The following CFAP54 variants were observed in gnomAD, a reference collection of about 807,000 sequenced individuals.
The protein encoded by CFAP54 is cilia- and flagella-associated protein 54.
In CFAP54, 290 loss-of-function variants were observed where a neutral mutation model predicts 370.4. That is an observed-to-expected ratio of 0.78 (90% CI 0.71 to 0.86). CFAP54 has a LOEUF of 0.86. Ranked by LOEUF, CFAP54 falls within the 40% of genes least tolerant of loss-of-function variation. The probability of loss-of-function intolerance (pLI) is 0.00; values close to 1 mark genes in which losing one functional copy is unlikely to be tolerated. For missense variants in CFAP54, 3,399 were observed against 3,528.7 expected, an observed-to-expected ratio of 0.96 and a Z score of 0.93; for synonymous variants, 1,206 against 1,236.5, an observed-to-expected ratio of 0.98 and a Z score of 0.52.
Position 96,817,816 on chromosome 12 carries a change from T to C in CFAP54, c.8999T>C (p.Ile3000Thr), listed in dbSNP as rs1460503583. Residue 3000 changes from isoleucine (I) to threonine (T), a missense_variant, in exon 65 of 68, where the codon ATA becomes ACA. Coordinates refer to ENST00000524981, the MANE Select transcript of CFAP54 (RefSeq NM_001306084.2). ...GAGAAATTATCTAATCTTGCTCAAA[T>C]AGCTGAACTATCATTGCCAGCAGCT... is the stretch of plus-strand genomic sequence containing the variant. ...IHEKLSNLAQ[I>T]AELSLPAAPE... is the part of the protein sequence containing the mutation. 8 of 1,510,310 alleles carry C rather than the reference T, an allele frequency of 5.3e-6. No homozygotes were observed. The highest frequency in any genetic ancestry group is 2.5e-5 in the East Asian group (1 of 40,470). The allele number at this position is 1,510,310 out of a possible 1,614,324, so 93.6% of individuals were successfully genotyped here.
chr12:96,614,169 T>C (rs1166686277), intron 26 of CFAP54, among the ~76,000 whole-genome samples: 1 of 152,176 alleles, frequency 6.6e-6, no homozygotes, highest in African/African-American at 2.4e-5. Context: ...TCCACCATGA[T>C]CAAGGGGGCT....
At chr12:96,768,816 T>G (rs753510367) in intron 60 of CFAP54, among the ~76,000 whole-genome samples, 2 of 151,904 alleles carry the variant, frequency 1.3e-5, no homozygotes, top group Non-Finnish European at 2.9e-5. Flanking sequence ...GGCATATGAG[T>G]TAATTAAGAG....
chr12:96,820,484 A>G (rs1375788167), intron 65 of CFAP54, among the ~76,000 whole-genome samples: 3 of 152,170 alleles, frequency 2.0e-5, no homozygotes, highest in Non-Finnish European at 4.4e-5. Context: ...ACCATAAGAG[A>G]ATCTACTGTG....
chr12:96,698,761 A>T (rs529223083), intron 45 of CFAP54, among the ~76,000 whole-genome samples: 20 of 152,326 alleles, frequency 1.3e-4, no homozygotes, highest in Middle Eastern at 6.8e-3. Flanking sequence ...TGTGACTGCA[A>T]GTTGTTCAGG....
At chr12:96,718,078 G>T (rs1016694135) in intron 48 of CFAP54, among the ~76,000 whole-genome samples, 1 of 152,160 alleles carries the variant, frequency 6.6e-6, no homozygotes, top group African/African-American at 2.4e-5. Context: ...ATAGAATTAG[G>T]GTGGGTGCAG....
At position 96,576,682 on chromosome 12, in the gene CFAP54, T is replaced by TC. The variant is rs1218034331; in HGVS notation, c.2723dup (p.Pro909SerfsTer24). ...AGTTCAAAAAGAAAGAAAAGCAGAG[T>TC]CCCCCCTCCACCTATCCTGCTGTCT... is the stretch of plus-strand genomic sequence containing the variant. On this transcript the variant is annotated frameshift_variant, in exon 20 of 68. Coordinates refer to ENST00000524981, the MANE Select transcript of CFAP54 (RefSeq NM_001306084.2). LOFTEE classifies it high-confidence loss of function. The TC allele has an allele frequency of 4.6e-6, 7 of 1,535,346 alleles. No homozygotes were observed. Among genetic ancestry groups the TC allele is most frequent in the Non-Finnish European group, 5.2e-6 (6 of 1,146,516 alleles).
At chr12:96,588,202 T>G (rs1223439925) in intron 22 of CFAP54, among the ~76,000 whole-genome samples, 1 of 152,166 alleles carries the variant, frequency 6.6e-6, no homozygotes. Context: ...TTTTTTCTTT[T>G]TTCAAACTCT....
intron 51 of CFAP54, among the ~76,000 whole-genome samples, chr12:96,740,648 A>G (rs1443786617): frequency 6.6e-6 from 1 of 152,268 alleles, no homozygotes; most frequent in Non-Finnish European, 1.5e-5. Context: ...AAAATCGCTA[A>G]TATCTAGCAT....
intron 26 of CFAP54, among the ~76,000 whole-genome samples, chr12:96,602,029 T>C (rs1045665355): frequency 6.6e-6 from 1 of 152,080 alleles, no homozygotes; most frequent in Non-Finnish European, 1.5e-5. Flanking sequence ...TGCTTCTCTA[T>C]TTCTTTTAAT....
chr12:96,561,770 G>GTTTTT (rs1955819340), intron 17 of CFAP54, among the ~76,000 whole-genome samples: 1 of 94,622 alleles, frequency 1.1e-5, no homozygotes, highest in African/African-American at 4.0e-5. Flanking sequence ...TAAATCACAA[G>GTTTTT]TTCTTTTTTT....
At chr12:96,514,114 A>G (rs1378259072) in intron 5 of CFAP54, among the ~76,000 whole-genome samples, 1 of 152,080 alleles carries the variant, frequency 6.6e-6, no homozygotes, top group Non-Finnish European at 1.5e-5. Context: ...GGGCGAATAT[A>G]CTCCCGTTGA....
At chr12:96,686,402 A>G (rs762755829) in intron 42 of CFAP54, among the ~76,000 whole-genome samples, 4 of 152,200 alleles carry the variant, frequency 2.6e-5, no homozygotes, top group Non-Finnish European at 4.4e-5. Context: ...CTTTGCTACA[A>G]AGAAATACCC....
Position 96,739,982 on chromosome 12 carries a change from C to T in CFAP54, c.6992C>T (p.Thr2331Ile). Residue 2331 changes from threonine (T) to isoleucine (I), a missense_variant, in exon 51 of 68, where the codon ACA (threonine) becomes ATA (isoleucine). Coordinates refer to ENST00000524981, the MANE Select transcript of CFAP54 (RefSeq NM_001306084.2). Reference protein sequence around the residue: ...YSAAIVFSTLTLLQDSKLFEK... With the variant: ...YSAAIVFSTLILLQDSKLFEK... ...GCTGCAATAGTATTTTCTACACTTACACTTCTCCAGGATTCAAAACTTTTT... is the reference window on the plus strand; with the variant it reads ...GCTGCAATAGTATTTTCTACACTTATACTTCTCCAGGATTCAAAACTTTTT... The T allele has an allele frequency of 1.9e-6, 3 of 1,593,102 alleles. No homozygotes were observed. Among genetic ancestry groups the T allele is most frequent in the Non-Finnish European group, 2.6e-6 (3 of 1,163,734 alleles).
intron 6 of CFAP54, 136 bp downstream of exon 6, chr12:96,519,207 TC>T: frequency 1.2e-6 from 1 of 814,018 alleles, no homozygotes; most frequent in Non-Finnish European, 1.8e-6. Flanking sequence ...CAAGCGATTC[TC>T]CTGCCTCAGC....
In CFAP54 at chr12:96,540,975, A is replaced by G. The variant is rs142042078; in HGVS notation, c.2065A>G (p.Lys689Glu). 385 of 1,504,528 alleles carry G rather than the reference A, an allele frequency of 2.6e-4. 1 individual carries two copies. The African/African-American group carries it at 4.8e-3, about 19-fold the overall frequency. 93.2% of individuals were successfully genotyped at this position (1,504,528 alleles called of 1,614,324 possible). A position where few individuals can be genotyped will look rare whatever the true frequency, so the allele number is the denominator to read the frequency against. ...TTTAGGAAGCCCAGGAAGAAAATTTAAACAATCTCTAGGTAAAATGTTGGC... is the reference window on the plus strand; with the variant it reads ...TTTAGGAAGCCCAGGAAGAAAATTTGAACAATCTCTAGGTAAAATGTTGGC... ...ESLGSPGRKFKQSLDVPLREG... is the reference protein window; with the variant it reads ...ESLGSPGRKFEQSLDVPLREG... The change falls in exon 14 of 68, where the codon AAA (lysine) becomes GAA (glutamate). Residue 689 changes from lysine (K) to glutamate (E), a missense_variant. Lys to Glu is a moderately conservative substitution (Grantham distance 56). Coordinates refer to ENST00000524981, the MANE Select transcript of CFAP54 (RefSeq NM_001306084.2).
intron 51 of CFAP54, among the ~76,000 whole-genome samples, chr12:96,740,346 A>G (rs924955093): frequency 1.1e-4 from 16 of 152,228 alleles, no homozygotes; most frequent in African/African-American, 3.6e-4. Context: ...CATTATATTA[A>G]TCTAGCTTTT....
intron 8 of CFAP54, among the ~76,000 whole-genome samples, chr12:96,523,870 T>C (rs916949677): frequency 1.3e-5 from 2 of 152,108 alleles, no homozygotes; most frequent in Non-Finnish European, 2.9e-5. Flanking sequence ...TAAAAACTAA[T>C]TTGTATCTGA....
intron 66 of CFAP54, among the ~76,000 whole-genome samples, chr12:96,846,337 C>A (rs926050535): frequency 1.3e-5 from 2 of 152,184 alleles, no homozygotes; most frequent in Non-Finnish European, 2.9e-5. Context: ...GGCCTCTACA[C>A]CCTGTGCAGG....
intron 58 of CFAP54, among the ~76,000 whole-genome samples, chr12:96,758,755 C>T (rs1228735480): frequency 6.6e-6 from 1 of 152,178 alleles, no homozygotes; most frequent in Non-Finnish European, 1.5e-5. Flanking sequence ...TAGAGCAGTG[C>T]TTCCAAACTA....
Sources: gnomAD v4.1 joint callset for allele counts (sites outside exome capture counted in the v4.1 genomes callset) on GRCh38, gnomAD v4.1.1 for gene constraint, MANE v1.5 for transcripts, NCBI Gene and HGNC (gene_info 2026-07-23, HGNC 2026-07-21) for gene names.